The following SLC14A2 variants were observed in gnomAD, a reference collection of about 807,000 sequenced individuals.
SLC14A2 encodes the protein solute carrier family 14 member 2.
In SLC14A2, 91 loss-of-function variants were observed where a neutral mutation model predicts 104.6. That is an observed-to-expected ratio of 0.87 (90% CI 0.73 to 1.04). The LOEUF (loss-of-function observed/expected upper bound fraction) is 1.04, where lower values mean the gene tolerates loss of function less well. Among genes scored for constraint, SLC14A2 ranks in the 50% least tolerant of loss-of-function variants. The pLI is 0.00. For missense variants in SLC14A2, 1,189 were observed against 1,156.0 expected (o/e 1.03, Z -0.41); for synonymous variants, 476 against 466.4 (o/e 1.02, Z -0.27).
intron 2 of SLC14A2, among the ~76,000 whole-genome samples, chr18:45,534,877 C>T (rs180765927): frequency 1.2e-4 from 18 of 152,320 alleles, no homozygotes; most frequent in Non-Finnish European, 1.2e-4. Context: ...GACTGCACCA[C>T]AGGGCATCTT....
chr18:45,370,957 G>C (rs894857750), intron 1 of SLC14A2, among the ~76,000 whole-genome samples: 1 of 152,166 alleles, frequency 6.6e-6, no homozygotes, highest in South Asian at 2.1e-4. Context: ...TGAGTCTCAG[G>C]GAAATGTCAG....
At chr18:45,355,011 A>G (rs1471367965) in intron 1 of SLC14A2, among the ~76,000 whole-genome samples, 1 of 152,224 alleles carries the variant, frequency 6.6e-6, no homozygotes, top group Non-Finnish European at 1.5e-5. Flanking sequence ...AAAATTATGG[A>G]AGAAACAATT....
chr18:45,454,005 G>A (rs942504271), intron 1 of SLC14A2, among the ~76,000 whole-genome samples: 18 of 151,866 alleles, frequency 1.2e-4, no homozygotes, highest in African/African-American at 2.9e-4. Flanking sequence ...GATTACAGGC[G>A]CATGCCACCA....
chr18:45,522,841 C>G (rs72902317), intron 2 of SLC14A2, among the ~76,000 whole-genome samples: 15,524 of 152,176 alleles, frequency 0.1, 852 homozygotes, highest in Non-Finnish European at 0.12. Context: ...ATCACCAAAC[C>G]AGCTATACCC....
At chr18:45,426,660 TATAC>T (rs1375112985) in intron 1 of SLC14A2, among the ~76,000 whole-genome samples, 1 of 144,656 alleles carries the variant, frequency 6.9e-6, no homozygotes, top group African/African-American at 2.5e-5. Flanking sequence ...TATACATACA[TATAC>T]ATATATATAC....
At chr18:45,594,324 C>T (rs2044693201) in intron 2 of SLC14A2, among the ~76,000 whole-genome samples, 1 of 152,180 alleles carries the variant, frequency 6.6e-6, no homozygotes, top group South Asian at 2.1e-4. Flanking sequence ...TCAAAGAATG[C>T]TTGGACATTA....
intron 1 of SLC14A2, among the ~76,000 whole-genome samples, chr18:45,349,595 C>T (rs1464877972): frequency 6.6e-6 from 1 of 152,164 alleles, no homozygotes; most frequent in African/African-American, 2.4e-5. Flanking sequence ...CCATGTTGCA[C>T]TGGGCAATTC....
intron 1 of SLC14A2, among the ~76,000 whole-genome samples, chr18:45,312,355 G>T (rs534496957): frequency 2.0e-4 from 31 of 151,564 alleles, no homozygotes; most frequent in Non-Finnish European, 4.0e-4. Flanking sequence ...CAAGATCTCT[G>T]ATCCTTCTAC....
At chr18:45,195,730 T>A in the SLC14A2 span, among the ~76,000 whole-genome samples, 4 of 152,156 alleles carry the variant, frequency 2.6e-5, no homozygotes, top group African/African-American at 9.7e-5. Flanking sequence ...GGAAAGTAAC[T>A]TCTATATCAG....
rs73429977 is a variant in SLC14A2 at position 45,347,988 on chromosome 18, A to G, written c.-125+134797A>G. ...AAAAAACCAGAAGTGTCATCTGTGC[A>G]TTCCCATGGCACCTCATACCAGGTG... On this transcript the variant is annotated intron_variant, in intron 1 of 20. Coordinates refer to the SLC14A2 transcript ENST00000586448. Among the ~76,000 whole-genome samples the G allele has an allele frequency of 1.8e-3, 275 of 152,346 alleles. 5 individuals are homozygous for G. The highest frequency in any genetic ancestry group is 6.2e-3 in the African/African-American group (259 of 41,572).
rs754518423 is a variant in SLC14A2, at chr18:45,666,087, G to A, written c.1475-50G>A. ...CTTGCAGGACATTAGCTTCTGAGGT[G>A]CCAGAGTAGAGGTGTCCTAACTGAT... On this transcript the variant is annotated intron_variant, in intron 11 of 19. Coordinates refer to ENST00000255226, the MANE Select transcript of SLC14A2 (RefSeq NM_007163.4). The A allele has an allele frequency of 4.7e-6, 6 of 1,266,314 alleles. No individual in the cohort carries two copies. In the South Asian group the frequency reaches 6.0e-5, roughly 13 times the overall value. The allele number at this position is 1,266,314 out of a possible 1,614,324, so 78.4% of individuals were successfully genotyped here.
intron 1 of SLC14A2, among the ~76,000 whole-genome samples, chr18:45,305,915 A>C (rs1192386446): frequency 6.6e-6 from 1 of 152,230 alleles, no homozygotes; most frequent in Non-Finnish European, 1.5e-5. Context: ...GTGTTTCTAA[A>C]TATGATGAAC....
At chr18:45,480,559 C>T (rs1411614630) in intron 1 of SLC14A2, among the ~76,000 whole-genome samples, 1 of 152,222 alleles carries the variant, frequency 6.6e-6, no homozygotes, top group African/African-American at 2.4e-5. Flanking sequence ...GACCAGCCAT[C>T]TCTGCCCACA....
intron 1 of SLC14A2, among the ~76,000 whole-genome samples, chr18:45,436,037 A>G (rs1271625481): frequency 6.6e-6 from 1 of 152,146 alleles, no homozygotes; most frequent in Non-Finnish European, 1.5e-5. Context: ...ATTACTATTA[A>G]TAGAGCCCCA....
chr18:45,378,481 G>A (rs1474846315), intron 1 of SLC14A2, among the ~76,000 whole-genome samples: 4 of 152,190 alleles, frequency 2.6e-5, no homozygotes, highest in Non-Finnish European at 5.9e-5. Flanking sequence ...ACAACTGTGA[G>A]ATGACATGAT....
intron 18 of SLC14A2, among the ~76,000 whole-genome samples, chr18:45,675,008 C>T (rs1214537925): frequency 6.6e-6 from 1 of 152,194 alleles, no homozygotes; most frequent in Non-Finnish European, 1.5e-5. Context: ...GAAGCTAGGT[C>T]TTCCTCCATC....
At chr18:45,430,996 G>A (rs1353455418) in intron 1 of SLC14A2, among the ~76,000 whole-genome samples, 1 of 152,170 alleles carries the variant, frequency 6.6e-6, no homozygotes, top group Non-Finnish European at 1.5e-5. Context: ...AGAAGGAAAT[G>A]TGCAAAGATG....
At chr18:45,679,963 ACCT>A (rs1482396829) in intron 19 of SLC14A2, among the ~76,000 whole-genome samples, 20 of 152,088 alleles carry the variant, frequency 1.3e-4, no homozygotes, top group African/African-American at 4.8e-4. Context: ...TGGAACAGGG[ACCT>A]CATCATATTA....
At chr18:45,576,040 T>C (rs1266104850) in intron 2 of SLC14A2, among the ~76,000 whole-genome samples, 1 of 152,196 alleles carries the variant, frequency 6.6e-6, no homozygotes, top group Non-Finnish European at 1.5e-5. Flanking sequence ...AATAGTGATT[T>C]GGCAGTCAAA....
Sources: allele counts gnomAD v4.1 joint callset (sites outside exome capture counted in the v4.1 genomes callset), GRCh38; gene constraint gnomAD v4.1.1; transcripts MANE v1.5; gene names NCBI Gene and HGNC (gene_info 2026-07-23, HGNC 2026-07-21).